The following RUSC2 variants were observed in gnomAD, a reference collection of about 807,000 sequenced individuals.
The protein encoded by RUSC2 is AP-4 complex accessory subunit RUSC2.
Under a neutral mutation model 122.2 loss-of-function variants are expected in RUSC2, and 34 were observed. That is an observed-to-expected ratio of 0.28 (90% confidence interval 0.21 to 0.37). The LOEUF (loss-of-function observed/expected upper bound fraction) is 0.37. RUSC2 is among the 10% of genes least tolerant of loss of function. RUSC2 has a pLI of 1.00. For synonymous variants in RUSC2, 784 were observed against 790.0 expected, an observed-to-expected ratio of 0.99 and a Z score of 0.13; for missense variants, 1,747 against 1,952.4, an observed-to-expected ratio of 0.89 and a Z score of 1.98.
chr9:35,499,478 T>C (rs1276486306), intron 1 of RUSC2, among the ~76,000 whole-genome samples: 1 of 152,150 alleles, frequency 6.6e-6, no homozygotes, highest in Admixed American at 6.5e-5. Flanking sequence ...GAAAATGAGA[T>C]GGTAAACTCT....
rs562219882 is a variant in RUSC2, at chr9:35,551,778, G to A, written c.2014+3243G>A. On this transcript the variant is annotated intron_variant, in intron 2 of 11. Coordinates refer to ENST00000361226, the MANE Select transcript of RUSC2 (RefSeq NM_014806.5). Reference sequence around the variant, plus strand: ...GACAGTATAGGAAGCTGAGAAGGTCGGCTGGGCATGGTGGCTCACACCTAT... The same window carrying A: ...GACAGTATAGGAAGCTGAGAAGGTCAGCTGGGCATGGTGGCTCACACCTAT... Among the ~76,000 whole-genome samples the A allele has an allele frequency of 2.2e-3, 342 of 152,292 alleles. 1 individual carries two copies. Among genetic ancestry groups the A allele is most frequent in the African/African-American group, 7.7e-3 (322 of 41,550 alleles).
At chr9:35,496,177 C>T (rs1820709257) in intron 1 of RUSC2, among the ~76,000 whole-genome samples, 1 of 152,064 alleles carries the variant, frequency 6.6e-6, no homozygotes, top group Non-Finnish European at 1.5e-5. Context: ...TGGAGACCTA[C>T]CTCGAGGCTG....
chr9:35,553,881 A>G (rs972486688), intron 2 of RUSC2, among the ~76,000 whole-genome samples: 1 of 152,166 alleles, frequency 6.6e-6, no homozygotes, highest in African/African-American at 2.4e-5. Flanking sequence ...GGATAGGAAA[A>G]CCTGGCCTGA....
chr9:35,551,054 G>A (rs1414678745), intron 2 of RUSC2, among the ~76,000 whole-genome samples: 1 of 152,108 alleles, frequency 6.6e-6, no homozygotes, highest in East Asian at 1.9e-4. Flanking sequence ...GGGTGACAAA[G>A]TGAGAGTCCG....
intron 1 of RUSC2, among the ~76,000 whole-genome samples, chr9:35,492,458 AG>A (rs1469235094): frequency 2.6e-5 from 4 of 151,898 alleles, no homozygotes; most frequent in African/African-American, 9.7e-5. Flanking sequence ...TCAGTGTTGA[AG>A]TTACCCAGGA....
In RUSC2 at chr9:35,555,397, G is replaced by C. The variant is rs1821991483; in HGVS notation, c.2352G>C (p.Arg784=). ...CCCTGGGCAGCTACTCCCCCATCCG[G>C]AGTGTTGGCCCCTTTGGGCCCAGCA... The part of the protein sequence containing the change: ...PSPLGSYSPI[R]SVGPFGPSTD... Residue 784 remains arginine, a synonymous_variant, in exon 3 of 12, where the codon CGG becomes CGC. Coordinates refer to ENST00000361226, the MANE Select transcript of RUSC2 (RefSeq NM_014806.5). This position sits in a 1 kb window ranked among gnomAD's most constrained non-coding sequence, Gnocchi z 4.6. 1 of 1,614,104 alleles carries C rather than the reference G, an allele frequency of 6.2e-7. No homozygotes were observed. Among genetic ancestry groups the C allele is most frequent in the Non-Finnish European group, 8.5e-7 (1 of 1,180,040 alleles).
chr9:35,561,059 G>T lies in RUSC2; in HGVS notation c.4311G>T (p.Gln1437His). Residue 1437 changes from glutamine to histidine, a missense_variant, in exon 11 of 12, where the codon CAG becomes CAT. Transcript: ENST00000361226. The part of the protein sequence containing the change: ...RREPEPKESL[Q>H]EPHSPALPSS... ...AGCCAGAGCCCAAGGAGAGCCTGCAGGAGCCACACTCCCCAGCCCTGCCCT... is the reference window on the plus strand; with the variant it reads ...AGCCAGAGCCCAAGGAGAGCCTGCATGAGCCACACTCCCCAGCCCTGCCCT... The T allele has an allele frequency of 6.2e-7, 1 of 1,614,142 alleles. No individual in the cohort carries two copies. The highest frequency in any genetic ancestry group is 1.1e-5 in the South Asian group (1 of 91,078).
rs547748729 is a variant in RUSC2 at position 35,559,126 on chromosome 9, G to T, written c.3342-100G>T. The T allele has an allele frequency of 1.5e-5, 14 of 915,066 alleles. No homozygotes were observed. The African/African-American group carries it at 2.3e-4, about 15-fold the overall frequency. The allele number at this position is 915,066 out of a possible 1,614,324, so 56.7% of individuals were successfully genotyped here. On this transcript the variant is annotated intron_variant, in intron 8 of 11. Transcript: ENST00000361226. ...GTGAAATGAATCGTGCCATGGAAGGGCGTGTTCACCTATTCTTCCTGTGCC... is the reference window on the plus strand; with the variant it reads ...GTGAAATGAATCGTGCCATGGAAGGTCGTGTTCACCTATTCTTCCTGTGCC...
At chr9:35,535,821 T>C (rs1247082871) in intron 1 of RUSC2, among the ~76,000 whole-genome samples, 1 of 152,232 alleles carries the variant, frequency 6.6e-6, no homozygotes, top group Admixed American at 6.5e-5. Context: ...ATTACAGGCA[T>C]GAGCCACCGT....
intron 1 of RUSC2, among the ~76,000 whole-genome samples, chr9:35,539,303 G>A (rs1196709020): frequency 6.6e-6 from 1 of 152,176 alleles, no homozygotes; most frequent in Non-Finnish European, 1.5e-5. Flanking sequence ...GGGCTATGGT[G>A]CAGAGATGGG....
At chr9:35,535,094 G>A (rs1172084674) in intron 1 of RUSC2, among the ~76,000 whole-genome samples, 1 of 151,724 alleles carries the variant, frequency 6.6e-6, no homozygotes, top group African/African-American at 2.4e-5. Flanking sequence ...CCTAGGTTAT[G>A]AAGAATTACT....
Position 35,553,134 on chromosome 9 carries a change from A to AGAGT in RUSC2, c.2015-1925_2015-1922dup, listed in dbSNP as rs564605124. Among the ~76,000 whole-genome samples, 50 of 152,304 alleles carry AGAGT rather than the reference A, an allele frequency of 3.3e-4. No homozygotes were observed. In the South Asian group the frequency reaches 8.9e-3, roughly 27 times the overall value. On this transcript the variant is annotated intron_variant, in intron 2 of 11. Coordinates refer to ENST00000361226, the MANE Select transcript of RUSC2 (RefSeq NM_014806.5). ...GCTTCATGACAGGGATGGACTGGGA[A>AGAGT]GAGTAGGGTCAGTGGGGGCAGGTGT...
At position 35,501,914 on chromosome 9, in the gene RUSC2, CT is replaced by C. The variant is rs1410861612; in HGVS notation, c.-93+11745del. 9.2e-5 allele frequency among the ~76,000 whole-genome samples: 14 copies of C among 152,128 alleles called. No homozygotes were observed. In the East Asian group the frequency reaches 2.1e-3, roughly 23 times the overall value. ...AGTCAAGATATTTTTTCTAGCCATGCTTTCTAGTTTATAATATGAAAACAAT... is the reference window on the plus strand; with the variant it reads ...AGTCAAGATATTTTTTCTAGCCATGCTTCTAGTTTATAATATGAAAACAAT... On this transcript the variant is annotated intron_variant, in intron 1 of 11. Transcript: ENST00000361226.
chr9:35,554,881 C>G (rs187457068), intron 2 of RUSC2, among the ~76,000 whole-genome samples, 179 bp from the exon 3 acceptor site: 13 of 148,726 alleles, frequency 8.7e-5, no homozygotes, highest in African/African-American at 3.2e-4. Context: ...ACCATAAAAG[C>G]AATAGGAAGC....
rs747323380 is a variant in RUSC2, at chr9:35,547,407, C to T, written c.886C>T (p.Arg296Cys). The change falls in exon 2 of 12, where the codon CGT becomes TGT. Residue 296 changes from arginine (R) to cysteine (C), a missense_variant. Physicochemically the swap from Arg to Cys is radical, Grantham distance 180 (BLOSUM62 -3). Transcript: ENST00000361226. The surrounding 1 kb of genome is among the most constrained non-coding windows in gnomAD (Gnocchi z 4.6). The stretch of plus-strand genomic sequence containing the variant: ...CTACAACAAGATGCATGGCACCCCC[C>T]GTGCCAATCTCAACTCTGCCCCACA... The part of the protein sequence containing the change: ...TLYNKMHGTP[R>C]ANLNSAPQSC... 8.7e-6 allele frequency: 14 copies of T among 1,614,062 alleles called. 1 individual carries two copies. In the East Asian group the frequency reaches 8.9e-5, roughly 10 times the overall value.
At chr9:35,513,810 G>C (rs1403981115) in intron 1 of RUSC2, among the ~76,000 whole-genome samples, 1 of 149,110 alleles carries the variant, frequency 6.7e-6, no homozygotes. Context: ...CCAGGAGTTT[G>C]AGACCAGTGT....
Position 35,558,637 on chromosome 9 carries a change from C to G in RUSC2, c.3341+70C>G. ...CCCCCACCCCCGGGCTCTGCCTGCACCAAGGAAACAACGCCCTGGACAGAC... is the reference window on the plus strand; with the variant it reads ...CCCCCACCCCCGGGCTCTGCCTGCAGCAAGGAAACAACGCCCTGGACAGAC... On this transcript the variant is annotated intron_variant, in intron 8 of 11. Coordinates refer to ENST00000361226, the MANE Select transcript of RUSC2 (RefSeq NM_014806.5). The surrounding 1 kb of genome is among the most constrained non-coding windows in gnomAD (Gnocchi z 4.3). 2.3e-6 allele frequency: 3 copies of G among 1,295,360 alleles called. No homozygotes were observed. Among genetic ancestry groups the G allele is most frequent in the Non-Finnish European group, 3.4e-6 (3 of 892,408 alleles). 80.2% of individuals were successfully genotyped at this position (1,295,360 alleles called of 1,614,324 possible). A position where few individuals can be genotyped will look rare whatever the true frequency, so the allele number is the denominator to read the frequency against.
rs111685959 is a variant in RUSC2 at position 35,497,968 on chromosome 9, T to C, written c.-93+7796T>C. Among the ~76,000 whole-genome samples the C allele has an allele frequency of 5.8e-3, 885 of 152,354 alleles. 15 individuals are homozygous for C. The highest frequency in any genetic ancestry group is 0.02 in the African/African-American group (849 of 41,574). On this transcript the variant is annotated intron_variant, in intron 1 of 11. Coordinates refer to ENST00000361226, the MANE Select transcript of RUSC2 (RefSeq NM_014806.5). ...CAGGACAGTAGAACAACTTTGCCTA[T>C]ATTCTCAGCTAATTAAATAAAAAAG...
At chr9:35,559,954 G>C in intron 9 of RUSC2, 75 bp from the exon 10 acceptor site, 1 of 1,280,948 alleles carries the variant, frequency 7.8e-7, no homozygotes, top group Non-Finnish European at 1.1e-6. Context: ...GCTCTGCCCA[G>C]ACTGTCTTTC....
Sources: gnomAD v4.1 joint callset for allele counts (sites outside exome capture counted in the v4.1 genomes callset) on GRCh38, gnomAD v4.1.1 for gene constraint, Gnocchi (gnomAD v3.1) non-coding constraint, MANE v1.5 for transcripts, NCBI Gene and HGNC (gene_info 2026-07-23, HGNC 2026-07-21) for gene names.